The following MXI1 variants were observed in gnomAD, a reference collection of about 807,000 sequenced individuals.
MXI1 encodes the protein MAX interactor 1, dimerization protein, also known as max-interacting protein 1.
MXI1 carries 18 observed loss-of-function variants against 36.9 expected under a neutral mutation model. The ratio of observed to expected loss-of-function variants is 0.49; its 90% CI spans 0.34 to 0.72. MXI1 has a LOEUF of 0.72. Ranked by LOEUF, MXI1 falls within the 30% of genes least tolerant of loss-of-function variation. The pLI, the probability that MXI1 is intolerant of heterozygous loss-of-function variation, is 0.01. For missense variants in MXI1, 304 were observed against 379.1 expected (o/e 0.80, Z 1.64); for synonymous variants, 160 against 146.7 (o/e 1.09, Z -0.65).
chr10:110,273,768 A>G (rs1018980407), intron 3 of MXI1, among the ~76,000 whole-genome samples: 6 of 152,150 alleles, frequency 3.9e-5, no homozygotes, highest in Non-Finnish European at 7.3e-5. Context: ...ATTTTGATTT[A>G]GTTATCTGGT....
chr10:110,266,343 C>T (rs113290031), intron 3 of MXI1, among the ~76,000 whole-genome samples: 8,038 of 152,116 alleles, frequency 0.053, 318 homozygotes, highest in Middle Eastern at 0.15. Flanking sequence ...CTCCTGACCT[C>T]GTGATCCGCC....
chr10:110,278,533 C>G (rs1161165994), intron 3 of MXI1, among the ~76,000 whole-genome samples: 1 of 152,130 alleles, frequency 6.6e-6, no homozygotes, highest in Non-Finnish European at 1.5e-5. Context: ...TTTGTCTAAC[C>G]CTACCCTAGC....
At chr10:110,227,766 C>A in intron 1 of MXI1, 1 of 182,374 alleles carries the variant, frequency 5.5e-6, no homozygotes, top group Non-Finnish European at 1.2e-5. Context: ...GAGAAAATGT[C>A]TTTCTAAGAC....
chr10:110,209,424 A>G (rs1340310290), intron 1 of MXI1, among the ~76,000 whole-genome samples: 3 of 152,188 alleles, frequency 2.0e-5, no homozygotes, highest in Non-Finnish European at 1.5e-5. Context: ...AACAACCCTC[A>G]GACACAAAAA....
At chr10:110,263,703 G>T (rs1187925692) in intron 3 of MXI1, among the ~76,000 whole-genome samples, 3 of 152,158 alleles carry the variant, frequency 2.0e-5, no homozygotes, top group Non-Finnish European at 4.4e-5. Context: ...GTAGATTTCA[G>T]CTTGCTTTTC....
chr10:110,283,220 C>CT (rs938311441), intron 5 of MXI1, among the ~76,000 whole-genome samples: 17 of 151,972 alleles, frequency 1.1e-4, no homozygotes, highest in African/African-American at 4.1e-4. Context: ...AAGTATATTC[C>CT]TGGAAATAGC....
At chr10:110,253,376 G>A (rs1856170330) in intron 3 of MXI1, among the ~76,000 whole-genome samples, 1 of 152,034 alleles carries the variant, frequency 6.6e-6, no homozygotes, top group South Asian at 2.1e-4. Flanking sequence ...ATGACTGAGG[G>A]TTAGGCAGTG....
chr10:110,244,944 G>A (rs1476257943), intron 3 of MXI1, 87 bp downstream of exon 3: 2 of 1,321,250 alleles, frequency 1.5e-6, no homozygotes, highest in African/African-American at 3.0e-5. Context: ...TAGTGCATAT[G>A]TAGTTGTAAT....
intron 3 of MXI1, among the ~76,000 whole-genome samples, chr10:110,267,077 G>A (rs774496222): frequency 2.0e-5 from 3 of 152,134 alleles, no homozygotes; most frequent in Non-Finnish European, 4.4e-5. Context: ...TAAGATAAGG[G>A]AGAAACTTGG....
chr10:110,265,264 C>A (rs1856646391), intron 3 of MXI1, among the ~76,000 whole-genome samples: 1 of 152,190 alleles, frequency 6.6e-6, no homozygotes, highest in Non-Finnish European at 1.5e-5. Flanking sequence ...CTCTCTCTGA[C>A]TCTTCTTCCT....
At position 110,244,755 on chromosome 10, in the gene MXI1, A is replaced by C. The variant is rs1232348467; in HGVS notation, c.408-73A>C. 3 of 1,259,306 alleles carry C rather than the reference A, an allele frequency of 2.4e-6. No homozygotes were observed. The African/African-American group carries it at 4.5e-5, about 19-fold the overall frequency. The allele number at this position is 1,259,306 out of a possible 1,614,324, so 78.0% of individuals were successfully genotyped here. A position where few individuals can be genotyped will look rare whatever the true frequency, so the allele number is the denominator to read the frequency against. ...ATAAATTCACTAGGTGTAGCATAGC[A>C]GTAACTAATCTGTCTTTCTATAGCT... On this transcript the variant is annotated intron_variant, in intron 2 of 5. Transcript: ENST00000332674.
At chr10:110,270,862 G>A (rs1004704419) in intron 3 of MXI1, among the ~76,000 whole-genome samples, 1 of 152,074 alleles carries the variant, frequency 6.6e-6, no homozygotes, top group African/African-American at 2.4e-5. Flanking sequence ...GGCCGAGGCG[G>A]GCAGATTGCC....
chr10:110,229,494 C>G (rs1473243100), intron 2 of MXI1, among the ~76,000 whole-genome samples: 1 of 152,200 alleles, frequency 6.6e-6, no homozygotes, highest in African/African-American at 2.4e-5. Flanking sequence ...GATCATCCCA[C>G]TCTGTATTTC....
At chr10:110,222,139 AG>A (rs1316471780) in intron 1 of MXI1, among the ~76,000 whole-genome samples, 2 of 152,186 alleles carry the variant, frequency 1.3e-5, no homozygotes, top group African/African-American at 4.8e-5. Context: ...AGGAGGCTGC[AG>A]TAGTCATTTT....
chr10:110,268,367 C>T (rs953442940), intron 3 of MXI1, among the ~76,000 whole-genome samples: 1 of 152,122 alleles, frequency 6.6e-6, no homozygotes, highest in South Asian at 2.1e-4. Flanking sequence ...CTCATTTAAT[C>T]TTTTCCTGGG....
At chr10:110,238,415 A>G (rs1204485743) in intron 2 of MXI1, among the ~76,000 whole-genome samples, 1 of 152,212 alleles carries the variant, frequency 6.6e-6, no homozygotes, top group Non-Finnish European at 1.5e-5. Flanking sequence ...GCTCTGTCCC[A>G]GGAACTAGGG....
chr10:110,235,691 AAAT>A (rs1484807849), intron 2 of MXI1, among the ~76,000 whole-genome samples: 4 of 132,262 alleles, frequency 3.0e-5, no homozygotes, highest in Admixed American at 2.9e-4. Flanking sequence ...CTGTCTCAAA[AAAT>A]AAATAAATAA....
intron 1 of MXI1, among the ~76,000 whole-genome samples, chr10:110,225,002 G>A (rs552243523): frequency 1.3e-5 from 2 of 152,266 alleles, no homozygotes; most frequent in East Asian, 3.9e-4. Context: ...TAGCTACAGA[G>A]GAGAGCATAA....
intron 2 of MXI1, among the ~76,000 whole-genome samples, chr10:110,242,450 A>C (rs1855703826): frequency 3.3e-5 from 5 of 152,046 alleles, no homozygotes; most frequent in Admixed American, 3.3e-4. Flanking sequence ...GCTTTTGTAA[A>C]AAAAATTGGA....
Sources: allele counts gnomAD v4.1 joint callset (sites outside exome capture counted in the v4.1 genomes callset), GRCh38; gene constraint gnomAD v4.1.1; transcripts MANE v1.5; gene names NCBI Gene and HGNC (gene_info 2026-07-23, HGNC 2026-07-21).